The following FAF1 variants were observed in gnomAD, a reference collection of about 807,000 sequenced individuals.
The protein encoded by FAF1 is FAS-associated factor 1.
FAF1 carries 25 observed loss-of-function variants against 92.5 expected under a neutral mutation model. The observed-to-expected ratio is 0.27, with a 90% CI of 0.20 to 0.38. The LOEUF (loss-of-function observed/expected upper bound fraction) is 0.38, where lower values mean the gene tolerates loss of function less well. FAF1 is among the 10% of genes least tolerant of loss of function. The probability of loss-of-function intolerance (pLI) is 1.00; values close to 1 mark genes in which losing one functional copy is unlikely to be tolerated. For missense variants in FAF1, 636 were observed against 793.3 expected (o/e 0.80, Z 2.38); for synonymous variants, 234 against 273.2 (o/e 0.86, Z 1.42).
chr1:50,704,025 C>T (rs183532177), intron 7 of FAF1, among the ~76,000 whole-genome samples: 11 of 152,170 alleles, frequency 7.2e-5, no homozygotes, highest in South Asian at 2.1e-4. Context: ...TTATAATCAC[C>T]GAACATTAAT....
At chr1:50,718,654 C>A (rs1049997517) in intron 6 of FAF1, among the ~76,000 whole-genome samples, 1 of 152,054 alleles carries the variant, frequency 6.6e-6, no homozygotes, top group Non-Finnish European at 1.5e-5. Flanking sequence ...GAAGCAAGAA[C>A]AAAGACTTTA....
chr1:50,732,423 C>T (rs1369427612), intron 6 of FAF1, among the ~76,000 whole-genome samples: 1 of 152,104 alleles, frequency 6.6e-6, no homozygotes, highest in East Asian at 1.9e-4. Flanking sequence ...TGGAGTTGGT[C>T]TATATCTTCT....
chr1:50,749,042 T>C (rs940922612), intron 4 of FAF1, among the ~76,000 whole-genome samples: 1 of 152,228 alleles, frequency 6.6e-6, no homozygotes, highest in Non-Finnish European at 1.5e-5. Flanking sequence ...AACACTATAG[T>C]TGTGGAAGCA....
rs146380968 is a variant in FAF1, at chr1:50,711,268, GA to G, written c.552-5378del. ...GAGCTATTACAACTTACTGAAAACA[GA>G]ACACTTTTGAAGGGTACTCATACTT... is the stretch of plus-strand genomic sequence containing the variant. On this transcript the variant is annotated intron_variant, in intron 6 of 18. Transcript: ENST00000396153. 5.1e-3 allele frequency among the ~76,000 whole-genome samples: 772 copies of G among 152,208 alleles called. 20 individuals carry two copies. In the East Asian group the frequency reaches 0.083, roughly 16 times the overall value.
intron 7 of FAF1, among the ~76,000 whole-genome samples, chr1:50,675,409 G>A (rs1008558182): frequency 1.3e-5 from 2 of 152,220 alleles, no homozygotes; most frequent in African/African-American, 4.8e-5. Flanking sequence ...TTCAGCCTTT[G>A]TTTCGAGGAT....
At chr1:50,474,811 G>T (rs1646618571) in intron 18 of FAF1, among the ~76,000 whole-genome samples, 1 of 152,146 alleles carries the variant, frequency 6.6e-6, no homozygotes, top group Non-Finnish European at 1.5e-5. Context: ...AACAAATATG[G>T]TAAGTAATAA....
chr1:50,839,306 G>A (rs1644237902), intron 2 of FAF1, among the ~76,000 whole-genome samples: 2 of 152,088 alleles, frequency 1.3e-5, no homozygotes, highest in Admixed American at 6.5e-5. Flanking sequence ...CCAACACCAA[G>A]CAAATGGTCA....
At chr1:50,632,906 C>T (rs921309214) in intron 8 of FAF1, among the ~76,000 whole-genome samples, 12 of 152,148 alleles carry the variant, frequency 7.9e-5, no homozygotes, top group Non-Finnish European at 1.5e-4. Context: ...AGTTATTTCT[C>T]GAACTGCTTT....
At chr1:50,794,803 T>TTG (rs1237885816) in intron 3 of FAF1, among the ~76,000 whole-genome samples, 1 of 150,646 alleles carries the variant, frequency 6.6e-6, no homozygotes, top group African/African-American at 2.4e-5. Flanking sequence ...TTTTTTTTTT[T>TTG]TTTTTGTATT....
chr1:50,913,821 C>G (rs979527736), intron 1 of FAF1, among the ~76,000 whole-genome samples: 2 of 152,090 alleles, frequency 1.3e-5, no homozygotes, highest in Non-Finnish European at 2.9e-5. Context: ...GAAGAACTTC[C>G]TAGACTTACT....
intron 7 of FAF1, among the ~76,000 whole-genome samples, chr1:50,681,133 G>A (rs1487099403): frequency 3.9e-5 from 6 of 152,034 alleles, no homozygotes; most frequent in African/African-American, 1.2e-4. Context: ...TGCAACCTCC[G>A]CCTCCCAGGT....
chr1:50,560,817 T>C (rs1649866689), intron 13 of FAF1, among the ~76,000 whole-genome samples: 1 of 152,224 alleles, frequency 6.6e-6, no homozygotes, highest in South Asian at 2.1e-4. Flanking sequence ...ACTAACCCAC[T>C]TATTACTGGT....
chr1:50,814,908 A>C (rs1643952625), intron 2 of FAF1, among the ~76,000 whole-genome samples: 1 of 152,060 alleles, frequency 6.6e-6, no homozygotes, highest in South Asian at 2.1e-4. Context: ...AGAAATTAAA[A>C]CCCTTTTGTA....
intron 15 of FAF1, among the ~76,000 whole-genome samples, chr1:50,525,963 C>A (rs1038349492): frequency 1.3e-5 from 2 of 152,142 alleles, no homozygotes; most frequent in Non-Finnish European, 2.9e-5. Context: ...ACATGATACT[C>A]ACCCAGATGC....
chr1:50,623,998 GGAA>G (rs1032225998), intron 8 of FAF1, among the ~76,000 whole-genome samples: 5 of 150,056 alleles, frequency 3.3e-5, no homozygotes, highest in South Asian at 2.1e-4. Flanking sequence ...GGAAGAAGAA[GGAA>G]GAAGAAGAAA....
intron 8 of FAF1, among the ~76,000 whole-genome samples, chr1:50,616,824 G>C (rs1652935351): frequency 6.6e-6 from 1 of 152,044 alleles, no homozygotes; most frequent in Non-Finnish European, 1.5e-5. Context: ...GGGATTACAA[G>C]CATGCGCCAC....
rs575139417 is a variant in FAF1, at chr1:50,732,495, G to A, written c.551+6368C>T. Among the ~76,000 whole-genome samples the A allele has an allele frequency of 2.6e-5, 4 of 152,152 alleles. No homozygotes were observed. In the East Asian group the frequency reaches 7.7e-4, roughly 29 times the overall value. ...AGCCTGCAATTGTCATATCTTCTTG[G>A]CAAATTGTCTTTCAATGCTATTTGC... is the stretch of plus-strand genomic sequence containing the variant. On this transcript the variant is annotated intron_variant, in intron 6 of 18. Transcript: ENST00000396153.
intron 9 of FAF1, among the ~76,000 whole-genome samples, chr1:50,592,369 A>G (rs1054340964): frequency 3.3e-5 from 5 of 152,108 alleles, no homozygotes; most frequent in Non-Finnish European, 2.9e-5. Flanking sequence ...AGGCCCCCAC[A>G]CTGTCTCACC....
chr1:50,670,067 G>A (rs1314380129), intron 7 of FAF1, among the ~76,000 whole-genome samples: 2 of 149,474 alleles, frequency 1.3e-5, no homozygotes, highest in African/African-American at 5.0e-5. Context: ...GTTGCGGTGA[G>A]CCGAGATTGC....
Sources: gnomAD v4.1 joint callset for allele counts (sites outside exome capture counted in the v4.1 genomes callset) on GRCh38, gnomAD v4.1.1 for gene constraint, MANE v1.5 for transcripts, NCBI Gene and HGNC (gene_info 2026-07-23, HGNC 2026-07-21) for gene names.